Variants in NDUFAF2 observed in about 807,000 individuals in gnomAD.
NDUFAF2 encodes NADH:ubiquinone oxidoreductase complex assembly factor 2, also known as NADH dehydrogenase [ubiquinone] 1 alpha subcomplex assembly factor 2.
In NDUFAF2, 13 loss-of-function variants were observed where a neutral mutation model predicts 22.8. The ratio of observed to expected loss-of-function variants is 0.57; its 90% CI spans 0.37 to 0.91. The LOEUF is 0.91. NDUFAF2 is among the 40% of genes least tolerant of loss of function. NDUFAF2 has a pLI of 0.01. For synonymous variants in NDUFAF2, 53 were observed against 64.2 expected (o/e 0.83, Z 0.84); for missense variants, 162 against 195.2 (o/e 0.83, Z 1.01).
intron 2 of NDUFAF2, among the ~76,000 whole-genome samples, chr5:61,086,900 A>G (rs1752511156): frequency 6.6e-6 from 1 of 152,206 alleles, no homozygotes; most frequent in Non-Finnish European, 1.5e-5. Flanking sequence ...CAGAATATGT[A>G]AAGAACTCTC....
intron 3 of NDUFAF2, among the ~76,000 whole-genome samples, chr5:61,106,102 A>T (rs1307685331): frequency 6.6e-6 from 1 of 151,526 alleles, no homozygotes; most frequent in African/African-American, 2.4e-5. Context: ...GAAATAACAG[A>T]GTTGGAAAAT....
intron 2 of NDUFAF2, among the ~76,000 whole-genome samples, chr5:61,092,630 G>T (rs1476708076): frequency 6.6e-6 from 1 of 152,104 alleles, no homozygotes; most frequent in Non-Finnish European, 1.5e-5. Context: ...GGGTTTTCTA[G>T]ATACAGGATC....
At chr5:61,028,275 T>C (rs1481912795) in intron 1 of NDUFAF2, among the ~76,000 whole-genome samples, 1 of 152,082 alleles carries the variant, frequency 6.6e-6, no homozygotes, top group African/African-American at 2.4e-5. Context: ...CAATTTGCTA[T>C]GTGCATATTT....
chr5:61,044,541 G>C (rs1484061263), intron 1 of NDUFAF2, among the ~76,000 whole-genome samples: 1 of 151,984 alleles, frequency 6.6e-6, no homozygotes, highest in East Asian at 1.9e-4. Context: ...TCTTTTTCAT[G>C]TGTATATCCA....
At chr5:61,081,857 A>G (rs886513324) in intron 2 of NDUFAF2, among the ~76,000 whole-genome samples, 2 of 152,258 alleles carry the variant, frequency 1.3e-5, no homozygotes, top group Non-Finnish European at 2.9e-5. Flanking sequence ...CAGAAATAAA[A>G]AGCAATCTGG....
rs1750925147 is a variant in NDUFAF2, at chr5:60,978,003, A to C, written c.127+32621A>C. On this transcript the variant is annotated intron_variant, in intron 1 of 3. Transcript: ENST00000296597. ...TTAAAATCATAATAAGGAAAGAGGT[A>C]CTGAAGAGAGTAGGAAAGACTCGTC... 2.0e-5 allele frequency among the ~76,000 whole-genome samples: 3 copies of C among 152,204 alleles called. No homozygotes were observed. In the South Asian group the frequency reaches 6.2e-4, roughly 32 times the overall value.
intron 2 of NDUFAF2, among the ~76,000 whole-genome samples, chr5:61,089,911 G>A (rs78406720): frequency 0.1 from 15,209 of 151,394 alleles, 878 homozygotes; most frequent in African/African-American, 0.14. Context: ...TTCAATTGAA[G>A]TATTTTTTTT....
intron 1 of NDUFAF2, among the ~76,000 whole-genome samples, chr5:61,021,612 ATTTTCCTTCCCCCAC>A (rs2112604155): frequency 6.6e-6 from 1 of 151,948 alleles, no homozygotes. Flanking sequence ...TATTTATATC[ATTTTCCTTCCCCCAC>A]CTTTCCCACT....
At chr5:60,945,533 C>A in intron 1 of NDUFAF2, 151 bp downstream of exon 1, 2 of 1,170,014 alleles carry the variant, frequency 1.7e-6, no homozygotes, top group Non-Finnish European at 2.5e-6. Flanking sequence ...CCCCTGTCGA[C>A]CCCTTCACTC....
chr5:61,052,972 A>C (rs1752044183), intron 1 of NDUFAF2, among the ~76,000 whole-genome samples: 1 of 152,256 alleles, frequency 6.6e-6, no homozygotes, highest in Admixed American at 6.5e-5. Flanking sequence ...ATTTGAAATT[A>C]AGTGTGCTAT....
At chr5:60,955,700 A>G (rs1313100029) in intron 1 of NDUFAF2, among the ~76,000 whole-genome samples, 1 of 152,182 alleles carries the variant, frequency 6.6e-6, no homozygotes, top group Non-Finnish European at 1.5e-5. Flanking sequence ...CCAGTCCATG[A>G]ACATATCAGA....
At chr5:61,067,506 T>A (rs932292414) in intron 1 of NDUFAF2, among the ~76,000 whole-genome samples, 4 of 152,164 alleles carry the variant, frequency 2.6e-5, no homozygotes, top group Admixed American at 2.0e-4. Context: ...TTTTTATGGC[T>A]GCATAGTATT....
intron 2 of NDUFAF2, among the ~76,000 whole-genome samples, chr5:61,091,700 C>T (rs557330934): frequency 6.6e-6 from 1 of 152,142 alleles, no homozygotes; most frequent in East Asian, 1.9e-4. Flanking sequence ...TCCATTTTTG[C>T]TTTTGTTGCA....
chr5:61,033,756 C>G (rs1414602156), intron 1 of NDUFAF2, among the ~76,000 whole-genome samples: 1 of 151,920 alleles, frequency 6.6e-6, no homozygotes, highest in African/African-American at 2.4e-5. Context: ...CAGGGATAAA[C>G]CGAAGCTGTA....
intron 1 of NDUFAF2, among the ~76,000 whole-genome samples, chr5:60,989,105 T>C (rs1315161379): frequency 6.6e-6 from 1 of 150,586 alleles, no homozygotes; most frequent in Non-Finnish European, 1.5e-5. Flanking sequence ...CCCAAACACA[T>C]GAACAGATGT....
chr5:61,079,455 T>C (rs906510958), intron 2 of NDUFAF2, among the ~76,000 whole-genome samples: 2 of 152,234 alleles, frequency 1.3e-5, no homozygotes, highest in African/African-American at 4.8e-5. Context: ...ATTAAAACGC[T>C]GAGTTCATAA....
intron 1 of NDUFAF2, among the ~76,000 whole-genome samples, chr5:60,952,237 G>A (rs538107021): frequency 2.5e-4 from 38 of 151,420 alleles, no homozygotes; most frequent in South Asian, 6.3e-4. Flanking sequence ...TATCGTCATC[G>A]TTTTCTTCTG....
At chr5:61,110,254 T>C (rs1752821550) in intron 3 of NDUFAF2, among the ~76,000 whole-genome samples, 1 of 151,874 alleles carries the variant, frequency 6.6e-6, no homozygotes, top group African/African-American at 2.4e-5. Context: ...GGCCTATAGT[T>C]TTCTTTTCTT....
chr5:60,965,373 G>A (rs1750746711), intron 1 of NDUFAF2, among the ~76,000 whole-genome samples: 1 of 151,992 alleles, frequency 6.6e-6, no homozygotes, highest in Admixed American at 6.5e-5. Flanking sequence ...TTATTTTTTT[G>A]TGGTGAGAAC....
Sources: gnomAD v4.1 joint callset for allele counts (sites outside exome capture counted in the v4.1 genomes callset) on GRCh38, gnomAD v4.1.1 for gene constraint, MANE v1.5 for transcripts, NCBI Gene and HGNC (gene_info 2026-07-23, HGNC 2026-07-21) for gene names.